MAN1A1: variants seen among roughly 807,000 people sequenced by gnomAD.
The protein encoded by MAN1A1 is mannosidase alpha class 1A member 1.
In MAN1A1, 29 loss-of-function variants were observed where a neutral mutation model predicts 70.8. The ratio of observed to expected loss-of-function variants is 0.41; its 90% CI spans 0.31 to 0.56. The LOEUF (loss-of-function observed/expected upper bound fraction) is 0.56. Ranked by LOEUF, MAN1A1 falls within the 20% of genes least tolerant of loss-of-function variation. MAN1A1 has a pLI of 0.29. For synonymous variants in MAN1A1, 349 were observed against 330.1 expected (o/e 1.06, Z -0.62); for missense variants, 747 against 841.3 (o/e 0.89, Z 1.39).
intron 5 of MAN1A1, among the ~76,000 whole-genome samples, chr6:119,279,129 C>A (rs1437618741): frequency 6.6e-6 from 1 of 152,086 alleles, no homozygotes; most frequent in African/African-American, 2.4e-5. Flanking sequence ...TTAAAAAAAA[C>A]TCTTTTAATT....
chr6:119,219,594 G>GA (rs1554205374), intron 6 of MAN1A1, among the ~76,000 whole-genome samples: 4 of 141,250 alleles, frequency 2.8e-5, no homozygotes, highest in South Asian at 2.3e-4. Context: ...ATCTGTTTTT[G>GA]TTTTTTTTTC....
At chr6:119,340,230 C>G (rs1773563189) in intron 2 of MAN1A1, among the ~76,000 whole-genome samples, 2 of 152,088 alleles carry the variant, frequency 1.3e-5, no homozygotes, top group African/African-American at 4.8e-5. Flanking sequence ...TGTCTTATGC[C>G]CCGACAGAGA....
At chr6:119,241,551 G>C (rs1236443477) in intron 6 of MAN1A1, among the ~76,000 whole-genome samples, 9 of 152,200 alleles carry the variant, frequency 5.9e-5, no homozygotes, top group African/African-American at 7.2e-5. Flanking sequence ...ATCCAGCAAT[G>C]TTATGTTTTA....
At chr6:119,233,399 T>A (rs1774742697) in intron 6 of MAN1A1, among the ~76,000 whole-genome samples, 1 of 152,156 alleles carries the variant, frequency 6.6e-6, no homozygotes, top group South Asian at 2.1e-4. Context: ...TAAAAATAAT[T>A]TAGAATTTTC....
At chr6:119,290,368 G>T (rs971247295) in intron 5 of MAN1A1, among the ~76,000 whole-genome samples, 1 of 151,868 alleles carries the variant, frequency 6.6e-6, no homozygotes, top group African/African-American at 2.4e-5. Context: ...CCACAAGCCC[G>T]CCACTACACT....
chr6:119,285,114 G>A (rs988654693), intron 5 of MAN1A1, among the ~76,000 whole-genome samples: 1 of 151,734 alleles, frequency 6.6e-6, no homozygotes, highest in African/African-American at 2.4e-5. Context: ...GGAGAGACAG[G>A]GGAAGGGAAA....
intron 11 of MAN1A1, among the ~76,000 whole-genome samples, chr6:119,183,507 G>A (rs1773208200): frequency 6.6e-6 from 1 of 152,076 alleles, no homozygotes; most frequent in Admixed American, 6.6e-5. Flanking sequence ...AATGGGCAAG[G>A]TTTTTATGGG....
chr6:119,194,025 CT>C (rs1210766135), intron 8 of MAN1A1, 133 bp from the exon 9 acceptor site: 2 of 572,160 alleles, frequency 3.5e-6, no homozygotes, highest in African/African-American at 3.8e-5. Flanking sequence ...TCCAACAAAT[CT>C]CTTATTTTCA....
At chr6:119,183,957 T>TAG (rs985661116) in intron 11 of MAN1A1, among the ~76,000 whole-genome samples, 1 of 152,020 alleles carries the variant, frequency 6.6e-6, no homozygotes, top group Non-Finnish European at 1.5e-5. Flanking sequence ...TTCAGAGGTT[T>TAG]AGAGAGGCCC....
chr6:119,311,682 G>C (rs1215953411), intron 2 of MAN1A1, among the ~76,000 whole-genome samples: 1 of 152,150 alleles, frequency 6.6e-6, no homozygotes, highest in Non-Finnish European at 1.5e-5. Flanking sequence ...TGCAGAAGGG[G>C]AGGAGGACAA....
intron 2 of MAN1A1, chr6:119,327,493 G>C (rs1278820492): frequency 1.4e-5 from 2 of 147,128 alleles, no homozygotes; most frequent in Non-Finnish European, 3.0e-5. Context: ...GGGTTCAGGC[G>C]ATTCTCCTGC....
chr6:119,316,948 ATTCTT>A (rs1354018826), intron 2 of MAN1A1, among the ~76,000 whole-genome samples: 3 of 146,718 alleles, frequency 2.0e-5, no homozygotes, highest in Non-Finnish European at 4.5e-5. Flanking sequence ...TATTATTATT[ATTCTT>A]TTTTTTTTTT....
intron 2 of MAN1A1, among the ~76,000 whole-genome samples, chr6:119,308,952 GTATA>G (rs1015983100): frequency 2.0e-5 from 3 of 152,166 alleles, no homozygotes; most frequent in Non-Finnish European, 4.4e-5. Context: ...AACCTCTGTA[GTATA>G]TATTAACTTT....
rs1320703544 is a variant in MAN1A1 at position 119,220,062 on chromosome 6, G to T, written c.993-15180C>A. Among the ~76,000 whole-genome samples, 6 of 152,010 alleles carry T rather than the reference G, an allele frequency of 3.9e-5. 1 individual carries two copies. The highest frequency in any genetic ancestry group is 3.9e-4 in the Admixed American group (6 of 15,262). ...CCACATGCACAGGAAATTAATAAAA[G>T]TTGTTCTCTTTATTCCATCATAAGA... On this transcript the variant is annotated intron_variant, in intron 6 of 12. Transcript: ENST00000368468.
chr6:119,284,742 G>A (rs1776316421), intron 5 of MAN1A1, among the ~76,000 whole-genome samples: 1 of 151,764 alleles, frequency 6.6e-6, no homozygotes, highest in South Asian at 2.1e-4. Context: ...CCTTGATCTA[G>A]TTATTTGAGA....
intron 11 of MAN1A1, among the ~76,000 whole-genome samples, chr6:119,186,479 T>C (rs77099138): frequency 0.021 from 3,195 of 152,216 alleles, 56 homozygotes; most frequent in Admixed American, 0.038. Context: ...GCAACGAGGC[T>C]CACTCCTGCT....
At position 119,349,583 on chromosome 6, in the gene MAN1A1, ACTTCGCCCG is replaced by A; in HGVS notation, c.-273_-265del. 1 of 985,930 alleles carries A rather than the reference ACTTCGCCCG, an allele frequency of 1.0e-6. No homozygotes were observed. The highest frequency in any genetic ancestry group is 1.2e-6 in the Non-Finnish European group (1 of 830,070). 61.1% of individuals were successfully genotyped at this position (985,930 alleles called of 1,614,324 possible). ...CGCAGCGTGGGCGGGAGACTCGTCA[ACTTCGCCCG>A]CTCCCCATCTCCGCGCTGAGACTGC... On this transcript the variant is annotated 5_prime_UTR_variant, in exon 1 of 13. Coordinates refer to ENST00000368468, the MANE Select transcript of MAN1A1 (RefSeq NM_005907.4).
intron 5 of MAN1A1, among the ~76,000 whole-genome samples, chr6:119,263,074 A>C (rs552155520): frequency 6.6e-6 from 1 of 152,256 alleles, no homozygotes; most frequent in South Asian, 2.1e-4. Context: ...CCTGCCCTCA[A>C]ACATCAGACT....
chr6:119,349,336 T>C (rs1773838825), intron 1 of MAN1A1, 49 bp from the exon 2 acceptor site: 1 of 1,136,020 alleles, frequency 8.8e-7, no homozygotes, highest in African/African-American at 1.6e-5. Flanking sequence ...GATGATAAAG[T>C]TTCCAGCGGG....
Sources: allele counts gnomAD v4.1 joint callset (sites outside exome capture counted in the v4.1 genomes callset), GRCh38; gene constraint gnomAD v4.1.1; transcripts MANE v1.5; gene names NCBI Gene and HGNC (gene_info 2026-07-23, HGNC 2026-07-21).